CLCN7: variants seen among roughly 807,000 people sequenced by gnomAD.
The protein encoded by CLCN7 is Cl-/H+ antiporter 7, also known as H(+)/Cl(-) exchange transporter 7.
CLCN7 carries 60 observed loss-of-function variants against 102.1 expected under a neutral mutation model. The observed-to-expected ratio is 0.59, with a 90% confidence interval of 0.48 to 0.73. The LOEUF (loss-of-function observed/expected upper bound fraction) is 0.73, where lower values mean the gene tolerates loss of function less well. CLCN7 is among the 30% of genes least tolerant of loss of function. CLCN7 has a pLI of 0.00. For missense variants in CLCN7, 962 were observed against 1,125.7 expected (o/e 0.85, Z 2.08); for synonymous variants, 560 against 490.5 (o/e 1.14, Z -1.87).
At chr16:1,458,557 C>T (rs967112664) in intron 7 of CLCN7, among the ~76,000 whole-genome samples, 2 of 152,100 alleles carry the variant, frequency 1.3e-5, no homozygotes, top group African/African-American at 4.8e-5. Flanking sequence ...GGACCAGGCC[C>T]CGGAAGCACC....
chr16:1,457,640 C>G lies in CLCN7; in HGVS notation c.738+54G>C. On this transcript the variant is annotated intron_variant, in intron 8 of 24. Transcript: ENST00000382745. The surrounding 1 kb of genome is among the most constrained non-coding windows in gnomAD (Gnocchi z 5.4). ...AGACACACATGGGCGTGGCGGCCCT[C>G]GCGGGCCCGGCGGCCTCAGGCTCCA... 6.3e-7 allele frequency: 1 copy of G among 1,587,208 alleles called. No individual in the cohort carries two copies. The highest frequency in any genetic ancestry group is 8.6e-7 in the Non-Finnish European group (1 of 1,158,798).
Position 1,447,821 on chromosome 16 carries a change from T to TGG in CLCN7, c.2014-109_2014-108dup, listed in dbSNP as rs1275821049. On this transcript the variant is annotated intron_variant, in intron 21 of 24. Coordinates refer to ENST00000382745, the MANE Select transcript of CLCN7 (RefSeq NM_001287.6). ...CCCTGTTCCGGCCAGATTTCCCATC[T>TGG]GGGCATGGGCCCCGTGTCGGTGGCT... 4 of 1,263,166 alleles carry TGG rather than the reference T, an allele frequency of 3.2e-6. No homozygotes were observed. In the African/African-American group the frequency reaches 4.5e-5, roughly 14 times the overall value. The allele number at this position is 1,263,166 out of a possible 1,614,324, so 78.2% of individuals were successfully genotyped here.
In CLCN7 at chr16:1,446,235, C is replaced by T. The variant is rs149057560; in HGVS notation, c.*396G>A. 187 of 655,504 alleles carry T rather than the reference C, an allele frequency of 2.9e-4. 4 individuals are homozygous for T. In the East Asian group the frequency reaches 5.0e-3, roughly 18 times the overall value. 40.6% of individuals were successfully genotyped at this position (655,504 alleles called of 1,614,324 possible). On this transcript the variant is annotated 3_prime_UTR_variant, in exon 25 of 25. Transcript: ENST00000382745. Reference sequence around the variant, plus strand: ...GCAGAGGGGCCCTTCCAGGGCAGGGCAGCCCTCGGGGCAGCAGCAGGGGCA... The same window carrying T: ...GCAGAGGGGCCCTTCCAGGGCAGGGTAGCCCTCGGGGCAGCAGCAGGGGCA...
intron 1 of CLCN7, among the ~76,000 whole-genome samples, chr16:1,469,062 C>T (rs1270283624): frequency 1.3e-5 from 2 of 151,022 alleles, no homozygotes; most frequent in Non-Finnish European, 2.9e-5. Context: ...AAAAATTAGC[C>T]GGGCATGGTG....
chr16:1,454,521 T>G (rs1304565680), intron 12 of CLCN7, 56 bp from the exon 13 acceptor site: 3 of 1,524,168 alleles, frequency 2.0e-6, no homozygotes, highest in African/African-American at 2.7e-5. Flanking sequence ...CACAGCTCCT[T>G]TCTGCTGAAA....
chr16:1,455,085 T>G, intron 12 of CLCN7, 49 bp downstream of exon 12: 2 of 1,091,424 alleles, frequency 1.8e-6, no homozygotes, highest in Non-Finnish European at 2.8e-6. Context: ...GCAAACAGGG[T>G]CCTGGACCAG....
At chr16:1,449,998 C>T (rs1028273283) in intron 17 of CLCN7, 13 of 172,858 alleles carry the variant, frequency 7.5e-5, no homozygotes, top group Admixed American at 6.2e-4. Context: ...GGGCCTCTTA[C>T]AGGTTTTCAG....
intron 1 of CLCN7, among the ~76,000 whole-genome samples, chr16:1,468,067 G>T (rs528900378): frequency 6.6e-6 from 1 of 151,930 alleles, no homozygotes; most frequent in Non-Finnish European, 1.5e-5. Flanking sequence ...TGGGCAACAC[G>T]GCAAGACCCT....
At chr16:1,446,926 C>A in intron 24 of CLCN7, 80 bp downstream of exon 24, 1 of 1,352,182 alleles carries the variant, frequency 7.4e-7, no homozygotes, top group South Asian at 1.2e-5. Flanking sequence ...TGTCCCCTGC[C>A]GGGAGCTGAG....
At position 1,461,636 on chromosome 16, in the gene CLCN7, T is replaced by C. The variant is rs1392880615; in HGVS notation, c.252A>G (p.Pro84=). The C allele has an allele frequency of 4.3e-6, 7 of 1,613,926 alleles. No individual in the cohort carries two copies. Among genetic ancestry groups the C allele is most frequent in the Non-Finnish European group, 5.9e-6 (7 of 1,179,990 alleles). ...TGAGGGACAGGAGCTTCTCGTTGTG[T>C]GGGATCTCCTTGGGGAAGGGATGTG... is the stretch of plus-strand genomic sequence containing the variant. ...DPPHPFPKEI[P]HNEKLLSLKY... Residue 84 remains proline (P), a synonymous_variant, in exon 3 of 25, where the codon CCA becomes CCG. Coordinates refer to ENST00000382745, the MANE Select transcript of CLCN7 (RefSeq NM_001287.6).
intron 12 of CLCN7, 148 bp downstream of exon 12, chr16:1,454,986 C>T (rs1567268588): frequency 1.5e-5 from 10 of 666,004 alleles, no homozygotes; most frequent in South Asian, 1.2e-4. Flanking sequence ...TGCAGCCCCT[C>T]GGGGCCCTGG....
chr16:1,455,280 T>C, intron 11 of CLCN7, 30 bp from the exon 12 acceptor site: 2 of 1,369,272 alleles, frequency 1.5e-6, no homozygotes, highest in South Asian at 1.2e-5. Context: ...ACCAGCGCCC[T>C]CAGAGCCACG....
chr16:1,473,835 G>C (rs946715662), intron 1 of CLCN7, among the ~76,000 whole-genome samples: 1 of 152,062 alleles, frequency 6.6e-6, no homozygotes, highest in Non-Finnish European at 1.5e-5. Flanking sequence ...TGTAATCCCA[G>C]CACTTTGGGA....
At position 1,446,889 on chromosome 16, in the gene CLCN7, G is replaced by A. The variant is rs541207306; in HGVS notation, c.2331+117C>T. 3.4e-4 allele frequency: 400 copies of A among 1,178,276 alleles called. 1 individual carries two copies. The highest frequency in any genetic ancestry group is 2.9e-3 in the African/African-American group (191 of 65,874). 73.0% of individuals were successfully genotyped at this position (1,178,276 alleles called of 1,614,324 possible). ...GGGGTGCAGCCATGGGGCATGGGCC[G>A]ACTCGGTGCTGGGTCCTGTGCTTCC... is the stretch of plus-strand genomic sequence containing the variant. On this transcript the variant is annotated intron_variant, in intron 24 of 24. Coordinates refer to ENST00000382745, the MANE Select transcript of CLCN7 (RefSeq NM_001287.6).
intron 1 of CLCN7, among the ~76,000 whole-genome samples, chr16:1,468,771 C>A (rs2745002): frequency 1.3e-5 from 2 of 151,890 alleles, no homozygotes; most frequent in Non-Finnish European, 1.5e-5. Flanking sequence ...ACGCATTGCA[C>A]CGACACTCTC....
chr16:1,455,561 TG>T, intron 11 of CLCN7, 169 bp downstream of exon 11: 1 of 783,428 alleles, frequency 1.3e-6, no homozygotes, highest in Non-Finnish European at 2.2e-6. Flanking sequence ...AAGGGCGAAC[TG>T]GGCAGCAAAG....
chr16:1,455,482 G>A, intron 11 of CLCN7: 3 of 649,778 alleles, frequency 4.6e-6, no homozygotes, highest in Non-Finnish European at 8.3e-6. Context: ...AGGTGGGGCA[G>A]GGCTGGGTTC....
At chr16:1,448,548 G>A (rs1387525079) in intron 20 of CLCN7, 64 bp from the exon 21 acceptor site, 13 of 1,602,418 alleles carry the variant, frequency 8.1e-6, no homozygotes, top group Middle Eastern at 1.7e-4. Flanking sequence ...TTACCTCTGC[G>A]GGCTGGTGAG....
chr16:1,449,429 G>T, intron 17 of CLCN7, 102 bp from the exon 18 acceptor site: 2 of 1,124,118 alleles, frequency 1.8e-6, no homozygotes, highest in Admixed American at 2.0e-5. Context: ...CAGCCCCACA[G>T]CCAGGAACAA....
Sources: gnomAD v4.1 joint callset for allele counts (sites outside exome capture counted in the v4.1 genomes callset) on GRCh38, gnomAD v4.1.1 for gene constraint, Gnocchi (gnomAD v3.1) non-coding constraint, MANE v1.5 for transcripts, NCBI Gene and HGNC (gene_info 2026-07-23, HGNC 2026-07-21) for gene names.